ANGPT2: variants seen among roughly 807,000 people sequenced by gnomAD.
ANGPT2 encodes angiopoietin 2, also known as angiopoietin-2.
A neutral mutation model predicts 62.9 loss-of-function variants in ANGPT2; 28 were observed. That is an observed-to-expected ratio of 0.44 (90% confidence interval 0.33 to 0.61). The LOEUF is 0.61. Among genes scored for constraint, ANGPT2 ranks in the 20% least tolerant of loss-of-function variants. ANGPT2 has a pLI of 0.03. For synonymous variants in ANGPT2, 284 were observed against 207.8 expected, an observed-to-expected ratio of 1.37 and a Z score of -3.15; for missense variants, 727 against 594.9, an observed-to-expected ratio of 1.22 and a Z score of -2.31.
intron 8 of ANGPT2, among the ~76,000 whole-genome samples, chr8:6,505,336 AAG>A (rs1813252332): frequency 2.6e-4 from 11 of 42,060 alleles, no homozygotes; most frequent in African/African-American, 4.2e-4. Flanking sequence ...TACATATAGA[AAG>A]AATATATATA....
In ANGPT2 at chr8:6,532,430, C is replaced by G; in HGVS notation, c.346G>C (p.Ala116Pro). Residue 116 changes from alanine to proline, a missense_variant, in exon 2 of 9, where the codon GCA (alanine) becomes CCA (proline). Transcript: ENST00000629816. ...ATCACAGCCGTCTGGTTCTGTACTGCATTCTGCTGTATCTCTACCATTTCT... is the reference window on the plus strand; with the variant it reads ...ATCACAGCCGTCTGGTTCTGTACTGGATTCTGCTGTATCTCTACCATTTCT... ...KKEMVEIQQN[A>P]VQNQTAVMIE... 1 of 1,614,080 alleles carries G rather than the reference C, an allele frequency of 6.2e-7. No individual in the cohort carries two copies. The highest frequency in any genetic ancestry group is 8.5e-7 in the Non-Finnish European group (1 of 1,179,994).
At chr8:6,522,237 C>T (rs1381053103) in intron 3 of ANGPT2, among the ~76,000 whole-genome samples, 3 of 152,070 alleles carry the variant, frequency 2.0e-5, no homozygotes, top group Non-Finnish European at 4.4e-5. Flanking sequence ...CGCCTGTAGT[C>T]ACAGCTACTC....
intron 1 of ANGPT2, among the ~76,000 whole-genome samples, chr8:6,555,740 G>A (rs1824496366): frequency 1.3e-5 from 2 of 152,296 alleles, no homozygotes; most frequent in African/African-American, 4.8e-5. Context: ...TGCGATTACA[G>A]GCATGAGCCA....
chr8:6,523,142 C>T (rs1319409541), intron 3 of ANGPT2, among the ~76,000 whole-genome samples: 6 of 151,960 alleles, frequency 3.9e-5, no homozygotes, highest in African/African-American at 1.2e-4. Flanking sequence ...GGACTACAGG[C>T]GCATGTCACC....
At chr8:6,547,796 G>T (rs911806876) in intron 1 of ANGPT2, among the ~76,000 whole-genome samples, 1 of 152,122 alleles carries the variant, frequency 6.6e-6, no homozygotes, top group Non-Finnish European at 1.5e-5. Context: ...GGAATGCGGG[G>T]CCAGGGGAGC....
intron 5 of ANGPT2, among the ~76,000 whole-genome samples, chr8:6,516,955 G>C (rs1816382885): frequency 1.3e-5 from 2 of 152,304 alleles, no homozygotes; most frequent in South Asian, 4.1e-4. Context: ...GATTCCATTA[G>C]TGATGATGAT....
At chr8:6,508,871 C>G in intron 8 of ANGPT2, 61 bp downstream of exon 8, 1 of 1,611,424 alleles carries the variant, frequency 6.2e-7, no homozygotes, top group Non-Finnish European at 8.5e-7. Context: ...AATTGCCAGC[C>G]TTTCCCTCTA....
intron 3 of ANGPT2, among the ~76,000 whole-genome samples, chr8:6,525,622 A>G (rs888995610): frequency 6.6e-6 from 1 of 152,214 alleles, no homozygotes; most frequent in Non-Finnish European, 1.5e-5. Context: ...CACCATTTGC[A>G]TATTTTTGTA....
At chr8:6,507,809 C>G (rs1409186238) in intron 8 of ANGPT2, 5 of 149,048 alleles carry the variant, frequency 3.4e-5, no homozygotes, top group Non-Finnish European at 4.5e-5. Context: ...TCTTGAACTC[C>G]TAACTTCAGG....
chr8:6,533,821 A>G (rs1819995836), intron 1 of ANGPT2, among the ~76,000 whole-genome samples: 2 of 152,184 alleles, frequency 1.3e-5, no homozygotes, highest in Non-Finnish European at 2.9e-5. Context: ...GATTTCCCCC[A>G]AAATGTTAAC....
intron 8 of ANGPT2, among the ~76,000 whole-genome samples, chr8:6,505,007 A>G (rs1235363421): frequency 6.6e-6 from 1 of 151,718 alleles, no homozygotes; most frequent in Non-Finnish European, 1.5e-5. Context: ...CCTTATATTA[A>G]TTTTTAAAAT....
chr8:6,557,565 G>A (rs1017441133), intron 1 of ANGPT2, among the ~76,000 whole-genome samples: 2 of 152,162 alleles, frequency 1.3e-5, no homozygotes, highest in Admixed American at 1.3e-4. Flanking sequence ...GGTGTTGGCT[G>A]TCTAGATGGG....
In ANGPT2 at chr8:6,514,755, T is replaced by A. The variant is rs748924155; in HGVS notation, c.951A>T (p.Gly317=). The A allele has an allele frequency of 1.9e-6, 3 of 1,613,956 alleles. No homozygotes were observed. The highest frequency in any genetic ancestry group is 2.2e-5 in the South Asian group (2 of 91,064). Residue 317 remains glycine (G), a synonymous_variant, in exon 6 of 9, where the codon GGA becomes GGT. Transcript: ENST00000629816. ...EIKAYCDMEA[G]GGGWTIIQRR... ...GCTGAATAATTGTCCACCCGCCTCC[T>A]CCAGCTTCCATGTCACAGTAGGCCT... is the stretch of plus-strand genomic sequence containing the variant.
intron 5 of ANGPT2, among the ~76,000 whole-genome samples, chr8:6,517,296 A>C (rs2129568405): frequency 6.6e-6 from 1 of 152,296 alleles, no homozygotes; most frequent in Admixed American, 6.5e-5. Flanking sequence ...GATGTTTTTC[A>C]GCAAATAATA....
intron 1 of ANGPT2, among the ~76,000 whole-genome samples, chr8:6,536,212 C>T (rs1224532421): frequency 2.0e-5 from 3 of 152,070 alleles, no homozygotes; most frequent in African/African-American, 2.4e-5. Context: ...GAAACACTAG[C>T]GACAGGAACA....
intron 5 of ANGPT2, among the ~76,000 whole-genome samples, chr8:6,518,333 T>A (rs1263075559): frequency 2.6e-5 from 4 of 152,218 alleles, no homozygotes; most frequent in Admixed American, 6.5e-5. Context: ...CAAAAGAGAT[T>A]GAAAGGCTTA....
Position 6,525,674 on chromosome 8 carries a change from A to G in ANGPT2, c.566+1881T>C, listed in dbSNP as rs539100982. On this transcript the variant is annotated intron_variant, in intron 3 of 8. Coordinates refer to ENST00000629816, the MANE Select transcript of ANGPT2 (RefSeq NM_001118887.2). ...TAAAATCATAGGCCAGTCAGAATTA[A>G]GGTAGAAAACACAGCATGCAGAACT... Among the ~76,000 whole-genome samples, 989 of 152,374 alleles carry G rather than the reference A, an allele frequency of 6.5e-3. 8 individuals are homozygous for G. Among genetic ancestry groups the G allele is most frequent in the African/African-American group, 0.023 (952 of 41,588 alleles).
chr8:6,509,169 C>G (rs1814416815), intron 7 of ANGPT2, 107 bp from the exon 8 acceptor site: 3 of 1,399,302 alleles, frequency 2.1e-6, no homozygotes, highest in Non-Finnish European at 2.9e-6. Flanking sequence ...GTGTTCTGTA[C>G]TCGTTAATGG....
chr8:6,551,692 G>C (rs1286799811), intron 1 of ANGPT2, among the ~76,000 whole-genome samples: 1 of 152,152 alleles, frequency 6.6e-6, no homozygotes, highest in Non-Finnish European at 1.5e-5. Context: ...AGTTGGAAAA[G>C]TTTAAGGAAA....
Sources: gnomAD v4.1 joint callset for allele counts (sites outside exome capture counted in the v4.1 genomes callset) on GRCh38, gnomAD v4.1.1 for gene constraint, MANE v1.5 for transcripts, NCBI Gene and HGNC (gene_info 2026-07-23, HGNC 2026-07-21) for gene names.